The following IL1RAPL1 variants were observed in gnomAD, a reference collection of about 807,000 sequenced individuals.
IL1RAPL1 encodes the protein interleukin 1 receptor accessory protein like 1.
In IL1RAPL1, 3 loss-of-function variants were observed where a neutral mutation model predicts 48.4. The observed-to-expected ratio is 0.06, with a 90% confidence interval of 0.03 to 0.16. The LOEUF (loss-of-function observed/expected upper bound fraction) is 0.16, where lower values mean the gene tolerates loss of function less well. Ranked by LOEUF, IL1RAPL1 falls within the 10% of genes least tolerant of loss-of-function variation. The pLI is 1.00. For synonymous variants in IL1RAPL1, 185 were observed against 187.7 expected, an observed-to-expected ratio of 0.99 and a Z score of 0.12; for missense variants, 349 against 530.6, an observed-to-expected ratio of 0.66 and a Z score of 3.36.
At chrX:29,336,081 T>C (rs769634453) in intron 3 of IL1RAPL1, among the ~76,000 whole-genome samples, 2 of 105,641 alleles carry the variant, frequency 1.9e-5, no homozygotes, top group Non-Finnish European at 3.9e-5. Context: ...AATATATATG[T>C]ATATTATACG....
rs140761377 is a variant in IL1RAPL1, at chrX:29,862,822, G to A, written c.779-54642G>A. ...TTGGTGGGATGAAAATGAGAAACCCGGAGTGCTGTGACAGACTCATTGTGT... is the reference window on the plus strand; with the variant it reads ...TTGGTGGGATGAAAATGAGAAACCCAGAGTGCTGTGACAGACTCATTGTGT... On this transcript the variant is annotated intron_variant, in intron 6 of 10. Coordinates refer to ENST00000378993, the MANE Select transcript of IL1RAPL1 (RefSeq NM_014271.4). Among the ~76,000 whole-genome samples, 608 of 109,251 alleles carry A rather than the reference G, an allele frequency of 5.6e-3. 3 individuals are homozygous for A. The highest frequency in any genetic ancestry group is 0.019 in the African/African-American group (561 of 30,002). The allele number at this position is 109,251 out of a possible 115,157, so 94.9% of individuals were successfully genotyped here. A position where few individuals can be genotyped will look rare whatever the true frequency, so the allele number is the denominator to read the frequency against.
chrX:29,068,583 G>C (rs7885111), intron 2 of IL1RAPL1, among the ~76,000 whole-genome samples: 430 of 112,487 alleles, frequency 3.8e-3, no homozygotes, highest in African/African-American at 0.013. Flanking sequence ...GGTACAGAGA[G>C]ATGCAGGAAG....
chrX:29,345,575 A>G (rs752503270), intron 3 of IL1RAPL1, among the ~76,000 whole-genome samples: 1 of 111,420 alleles, frequency 9.0e-6, no homozygotes, highest in Non-Finnish European at 1.9e-5. Context: ...TATCTTATTT[A>G]TCTTCTTTTT....
intron 2 of IL1RAPL1, among the ~76,000 whole-genome samples, chrX:28,911,972 C>CA (rs1401073205): frequency 1.9e-5 from 2 of 104,984 alleles, no homozygotes; most frequent in Non-Finnish European, 3.9e-5. Flanking sequence ...AGGACACTAT[C>CA]AGAGTACTGA....
At position 29,579,199 on chromosome X, in the gene IL1RAPL1, C is replaced by T. The variant is rs780934498; in HGVS notation, c.704-89231C>T. On this transcript the variant is annotated intron_variant, in intron 5 of 10. Transcript: ENST00000378993. ...TGGGCATAAAAAATCATAAGGCTAG[C>T]GCATATCCAAGGGAAAAGTAAGATG... Among the ~76,000 whole-genome samples the T allele has an allele frequency of 2.3e-3, 255 of 112,073 alleles. 1 individual carries two copies. Among genetic ancestry groups the T allele is most frequent in the Non-Finnish European group, 3.8e-3 (202 of 53,231 alleles).
chrX:29,550,638 C>T (rs1391199300), intron 5 of IL1RAPL1, among the ~76,000 whole-genome samples: 1 of 110,761 alleles, frequency 9.0e-6, no homozygotes, highest in Admixed American at 9.6e-5. Context: ...CTTCACTTAA[C>T]TAAATAAATA....
chrX:29,955,876 T>G lies in IL1RAPL1; in HGVS notation c.*56T>G, dbSNP rs1933410716. Reference sequence around the variant, plus strand: ...AGGTTGAGTGGAATCTGCAGTCCAGTGCCTGGAACTAAATCCTCGACTGCT... The same window carrying G: ...AGGTTGAGTGGAATCTGCAGTCCAGGGCCTGGAACTAAATCCTCGACTGCT... On this transcript the variant is annotated 3_prime_UTR_variant, in exon 11 of 11. Transcript: ENST00000378993. 1 of 918,489 alleles carries G rather than the reference T, an allele frequency of 1.1e-6. No individual in the cohort carries two copies. Among genetic ancestry groups the G allele is most frequent in the Non-Finnish European group, 1.6e-6 (1 of 632,134 alleles). The allele number at this position is 918,489 out of a possible 1,213,427, so 75.7% of individuals were successfully genotyped here. A position where few individuals can be genotyped will look rare whatever the true frequency, so the allele number is the denominator to read the frequency against.
chrX:29,655,665 A>T (rs1925656506), intron 5 of IL1RAPL1, among the ~76,000 whole-genome samples: 1 of 108,273 alleles, frequency 9.2e-6, no homozygotes, highest in African/African-American at 3.4e-5. Flanking sequence ...AAAAAAAAAA[A>T]AAAAAAAAAA....
chrX:28,782,387 G>A (rs1393036455), intron 1 of IL1RAPL1, among the ~76,000 whole-genome samples: 1 of 111,314 alleles, frequency 9.0e-6, no homozygotes, highest in African/African-American at 3.3e-5. Context: ...TAATCCTGGA[G>A]CATATTATTT....
At chrX:29,613,442 T>C (rs776438057) in intron 5 of IL1RAPL1, among the ~76,000 whole-genome samples, 102 of 111,012 alleles carry the variant, frequency 9.2e-4, no homozygotes, top group African/African-American at 3.2e-3. Context: ...GCATTTCTTA[T>C]GCAGAGCTAC....
intron 2 of IL1RAPL1, among the ~76,000 whole-genome samples, chrX:28,824,340 T>C (rs1284786557): frequency 9.0e-6 from 1 of 111,451 alleles, no homozygotes; most frequent in Non-Finnish European, 1.9e-5. Context: ...GCTTTTTCTT[T>C]GGTGTCTGAA....
Position 29,745,439 on chromosome X carries a change from T to TTTG in IL1RAPL1, c.778+76937_778+76938insGTT, listed in dbSNP as rs1928309267. ...TTCCTTAAGTTTTTTGTGTTTTTTT[T>TTTG]TTTTTTTTTTTTTTTTTTTTTGGTG... On this transcript the variant is annotated intron_variant, in intron 6 of 10. Transcript: ENST00000378993. Among the ~76,000 whole-genome samples, 3 of 78,386 alleles carry TTTG rather than the reference T, an allele frequency of 3.8e-5. No individual in the cohort carries two copies. The Admixed American group carries it at 4.4e-4, about 12-fold the overall frequency. 68.1% of individuals were successfully genotyped at this position (78,386 alleles called of 115,157 possible).
At chrX:29,179,072 A>G (rs1259141549) in intron 2 of IL1RAPL1, among the ~76,000 whole-genome samples, 1 of 111,520 alleles carries the variant, frequency 9.0e-6, no homozygotes, top group African/African-American at 3.3e-5. Flanking sequence ...TTGTCTTGGC[A>G]ATGCTGGCTC....
intron 1 of IL1RAPL1, among the ~76,000 whole-genome samples, chrX:28,644,936 A>G (rs1245587398): frequency 9.0e-6 from 1 of 111,360 alleles, no homozygotes; most frequent in East Asian, 2.8e-4. Flanking sequence ...TATGAGCTCT[A>G]TTGGCTATGT....
intron 5 of IL1RAPL1, among the ~76,000 whole-genome samples, chrX:29,467,602 G>C (rs1482213167): frequency 8.9e-6 from 1 of 112,173 alleles, no homozygotes; most frequent in African/African-American, 3.2e-5. Flanking sequence ...GCCTGTGGCA[G>C]AGTACCACGT....
intron 1 of IL1RAPL1, among the ~76,000 whole-genome samples, chrX:28,752,912 A>G (rs1209569855): frequency 8.9e-6 from 1 of 112,497 alleles, no homozygotes; most frequent in Admixed American, 9.4e-5. Context: ...AATGGCTCCA[A>G]TTGCAGAAAG....
intron 8 of IL1RAPL1, among the ~76,000 whole-genome samples, chrX:29,924,856 G>A (rs999428791): frequency 9.0e-6 from 1 of 111,567 alleles, no homozygotes; most frequent in African/African-American, 3.3e-5. Flanking sequence ...GAATGTAATC[G>A]ATAGAAATTA....
chrX:29,267,960 C>T (rs1333046143), intron 2 of IL1RAPL1, among the ~76,000 whole-genome samples: 2 of 111,335 alleles, frequency 1.8e-5, no homozygotes, highest in Admixed American at 9.6e-5. Context: ...CAAATTTTCT[C>T]CTGAGAATGA....
intron 2 of IL1RAPL1, among the ~76,000 whole-genome samples, chrX:28,883,779 A>G (rs1922562019): frequency 8.9e-6 from 1 of 112,624 alleles, no homozygotes; most frequent in Admixed American, 9.4e-5. Context: ...AAAATGTAAC[A>G]GACATCTTTC....
Sources: allele counts gnomAD v4.1 joint callset (sites outside exome capture counted in the v4.1 genomes callset), GRCh38; gene constraint gnomAD v4.1.1; transcripts MANE v1.5; gene names NCBI Gene and HGNC (gene_info 2026-07-23, HGNC 2026-07-21).